Variants in UBASH3B observed in about 807,000 individuals in gnomAD.
UBASH3B encodes the protein ubiquitin associated and SH3 domain containing B.
In UBASH3B, 37 loss-of-function variants were observed where a neutral mutation model predicts 83.4. The ratio of observed to expected loss-of-function variants is 0.44; its 90% CI spans 0.34 to 0.58. The LOEUF is 0.58. UBASH3B is among the 20% of genes least tolerant of loss of function. The pLI, the probability that UBASH3B is intolerant of heterozygous loss-of-function variation, is 0.01. For missense variants in UBASH3B, 657 were observed against 827.2 expected, an observed-to-expected ratio of 0.79 and a Z score of 2.52; for synonymous variants, 304 against 318.3, an observed-to-expected ratio of 0.96 and a Z score of 0.48.
chr11:122,785,680 T>G (rs1225216308), intron 5 of UBASH3B, among the ~76,000 whole-genome samples: 1 of 152,228 alleles, frequency 6.6e-6, no homozygotes, highest in Non-Finnish European at 1.5e-5. Context: ...TGGCTTCAAA[T>G]CCTGGCTCCA....
At chr11:122,660,857 G>C (rs1275492982) in intron 1 of UBASH3B, among the ~76,000 whole-genome samples, 1 of 151,328 alleles carries the variant, frequency 6.6e-6, no homozygotes, top group Non-Finnish European at 1.5e-5. Context: ...GAAGGACACT[G>C]TGGCAGGGAT....
intron 1 of UBASH3B, among the ~76,000 whole-genome samples, chr11:122,750,209 A>G (rs1265902723): frequency 6.6e-6 from 1 of 152,102 alleles, no homozygotes; most frequent in African/African-American, 2.4e-5. Flanking sequence ...GGGCTAGGGG[A>G]ACGGCTCATC....
In UBASH3B at chr11:122,784,430, C is replaced by G. The variant is rs369891552; in HGVS notation, c.771+1208C>G. ...ATCCCAGCACTTTGGGAGGCTGAGGCAGGAGTATTGCTTGAGACCAGGAGT... is the reference window on the plus strand; with the variant it reads ...ATCCCAGCACTTTGGGAGGCTGAGGGAGGAGTATTGCTTGAGACCAGGAGT... On this transcript the variant is annotated intron_variant, in intron 5 of 13. Coordinates refer to ENST00000284273, the MANE Select transcript of UBASH3B (RefSeq NM_032873.5). Among the ~76,000 whole-genome samples, 9 of 152,284 alleles carry G rather than the reference C, an allele frequency of 5.9e-5. No homozygotes were observed. In the East Asian group the frequency reaches 1.5e-3, roughly 26 times the overall value.
rs376721906 is a variant in UBASH3B at position 122,702,081 on chromosome 11, G to A, written c.161+45871G>A. On this transcript the variant is annotated intron_variant, in intron 1 of 13. Transcript: ENST00000284273. ...GACCGTTTCTTTGAGGACAGATGCT[G>A]TGTTCTTTACTTCTCTATGTCTCCC... Among the ~76,000 whole-genome samples, 73 of 152,274 alleles carry A rather than the reference G, an allele frequency of 4.8e-4. 2 individuals carry two copies. In the East Asian group the frequency reaches 0.011, roughly 23 times the overall value.
intron 8 of UBASH3B, 69 bp from the exon 9 acceptor site, chr11:122,796,842 G>C (rs1271876472): frequency 1.2e-6 from 2 of 1,608,872 alleles, no homozygotes; most frequent in African/African-American, 2.7e-5. Flanking sequence ...GAGAGTGTCA[G>C]GATCAGTAAG....
chr11:122,702,563 C>A (rs1262258517), intron 1 of UBASH3B, among the ~76,000 whole-genome samples: 1 of 150,588 alleles, frequency 6.6e-6, no homozygotes, highest in African/African-American at 2.4e-5. Context: ...TTGCTCTTGT[C>A]GCCGAGGCTG....
chr11:122,743,070 C>A (rs1021326016), intron 1 of UBASH3B, among the ~76,000 whole-genome samples: 2 of 152,158 alleles, frequency 1.3e-5, no homozygotes, highest in Non-Finnish European at 2.9e-5. Flanking sequence ...CTCCTTTCAG[C>A]GTCCTTGTTG....
intron 1 of UBASH3B, among the ~76,000 whole-genome samples, chr11:122,716,198 G>T (rs920042407): frequency 5.9e-5 from 9 of 152,196 alleles, no homozygotes; most frequent in African/African-American, 2.2e-4. Context: ...CTGAGACAGG[G>T]TCTCACTCTG....
At chr11:122,751,421 G>A (rs1861197590) in intron 1 of UBASH3B, among the ~76,000 whole-genome samples, 1 of 152,206 alleles carries the variant, frequency 6.6e-6, no homozygotes. Flanking sequence ...GTCCATTGGA[G>A]GCTCATTGCA....
At chr11:122,690,410 T>C (rs1454896079) in intron 1 of UBASH3B, among the ~76,000 whole-genome samples, 2 of 151,340 alleles carry the variant, frequency 1.3e-5, no homozygotes, top group Non-Finnish European at 2.9e-5. Flanking sequence ...GCTACTATTC[T>C]GAGCTTACTT....
At position 122,742,062 on chromosome 11, in the gene UBASH3B, C is replaced by T. The variant is rs111403634; in HGVS notation, c.162-34157C>T. ...CTACCTCCTCACAAAACTAGCACAG[C>T]GGCAACGAAATCTGGAGTTGGACAC... is the stretch of plus-strand genomic sequence containing the variant. On this transcript the variant is annotated intron_variant, in intron 1 of 13. Transcript: ENST00000284273. 9.0e-4 allele frequency among the ~76,000 whole-genome samples: 137 copies of T among 152,268 alleles called. 1 individual carries two copies. Among genetic ancestry groups the T allele is most frequent in the Admixed American group, 5.2e-4 (8 of 15,308 alleles).
At chr11:122,676,081 C>T (rs1409613100) in intron 1 of UBASH3B, among the ~76,000 whole-genome samples, 1 of 152,170 alleles carries the variant, frequency 6.6e-6, no homozygotes, top group African/African-American at 2.4e-5. Context: ...TCCCACCTCA[C>T]CCTAACAGCC....
At chr11:122,667,954 TTC>T (rs1863542424) in intron 1 of UBASH3B, among the ~76,000 whole-genome samples, 1 of 152,192 alleles carries the variant, frequency 6.6e-6, no homozygotes, top group Non-Finnish European at 1.5e-5. Context: ...ATCAGGCTAC[TTC>T]TCTGAGTCCA....
intron 1 of UBASH3B, among the ~76,000 whole-genome samples, chr11:122,754,915 C>T (rs1199947199): frequency 1.3e-5 from 2 of 152,138 alleles, no homozygotes; most frequent in African/African-American, 4.8e-5. Context: ...ACTCTACCAC[C>T]AGCTCGGTCC....
rs746358239 is a variant in UBASH3B, at chr11:122,796,982, G to C, written c.1306G>C (p.Glu436Gln). 2.0e-5 allele frequency: 33 copies of C among 1,613,904 alleles called. No individual in the cohort carries two copies. The highest frequency in any genetic ancestry group is 2.7e-5 in the Non-Finnish European group (32 of 1,179,972). The change falls in exon 9 of 14, where the codon GAG becomes CAG. Residue 436 changes from glutamate to glutamine, a missense_variant. Coordinates refer to ENST00000284273, the MANE Select transcript of UBASH3B (RefSeq NM_032873.5). ...GCGGAGTGGTGGTTTCCGAGATTACGAGAAAGATGCTCCCATCACTGTGTT... is the reference window on the plus strand; with the variant it reads ...GCGGAGTGGTGGTTTCCGAGATTACCAGAAAGATGCTCCCATCACTGTGTT... ...PQRSGGFRDY[E>Q]KDAPITVFGC...
intron 3 of UBASH3B, among the ~76,000 whole-genome samples, chr11:122,779,180 C>G (rs974805942): frequency 6.6e-6 from 1 of 152,212 alleles, no homozygotes; most frequent in African/African-American, 2.4e-5. Context: ...TGACCAATAT[C>G]TCCCCAATCT....
At chr11:122,776,918 T>C in intron 2 of UBASH3B, 106 bp from the exon 3 acceptor site, 2 of 1,082,762 alleles carry the variant, frequency 1.8e-6, no homozygotes, top group South Asian at 3.4e-5. Context: ...TTCCCCGCGC[T>C]GTGCCGGGGA....
At position 122,799,090 on chromosome 11, in the gene UBASH3B, C is replaced by G. The variant is rs568911921; in HGVS notation, c.1450+56C>G. ...GTCCATCCCTCTCTTTCTAGGCAGC[C>G]CCACACATAAATTATCTTAGAGCCA... is the stretch of plus-strand genomic sequence containing the variant. On this transcript the variant is annotated intron_variant, in intron 10 of 13. Coordinates refer to ENST00000284273, the MANE Select transcript of UBASH3B (RefSeq NM_032873.5). 26 of 1,415,042 alleles carry G rather than the reference C, an allele frequency of 1.8e-5. 1 individual carries two copies. The highest frequency in any genetic ancestry group is 2.5e-5 in the Non-Finnish European group (25 of 1,002,794). 87.7% of individuals were successfully genotyped at this position (1,415,042 alleles called of 1,614,324 possible).
At chr11:122,782,783 AC>A (rs370635829) in intron 4 of UBASH3B, 62 of 364,958 alleles carry the variant, frequency 1.7e-4, no homozygotes, top group African/African-American at 1.2e-3. Context: ...TGTGAGAAGG[AC>A]TTAACTAAAA....
Sources: allele counts gnomAD v4.1 joint callset (sites outside exome capture counted in the v4.1 genomes callset), GRCh38; gene constraint gnomAD v4.1.1; transcripts MANE v1.5; gene names NCBI Gene and HGNC (gene_info 2026-07-23, HGNC 2026-07-21).